Variants in KCNH7 observed in about 807,000 individuals in gnomAD.
The protein encoded by KCNH7 is voltage-gated inwardly rectifying potassium channel KCNH7.
Under a neutral mutation model 120.8 loss-of-function variants are expected in KCNH7, and 49 were observed. The ratio of observed to expected loss-of-function variants is 0.41; its 90% CI spans 0.32 to 0.51. The LOEUF (loss-of-function observed/expected upper bound fraction) is 0.51, where lower values mean the gene tolerates loss of function less well. KCNH7 is among the 20% of genes least tolerant of loss of function. KCNH7 has a pLI of 0.38. For synonymous variants in KCNH7, 547 were observed against 516.1 expected (o/e 1.06, Z -0.81); for missense variants, 1,097 against 1,446.6 (o/e 0.76, Z 3.92).
chr2:162,784,215 T>C (rs974667878), intron 2 of KCNH7, among the ~76,000 whole-genome samples: 1 of 152,122 alleles, frequency 6.6e-6, no homozygotes, highest in African/African-American at 2.4e-5. Context: ...AAATCAGCAA[T>C]GATTTATTGA....
At chr2:162,667,860 C>T (rs1418560401) in intron 2 of KCNH7, among the ~76,000 whole-genome samples, 4 of 152,098 alleles carry the variant, frequency 2.6e-5, no homozygotes, top group Admixed American at 2.6e-4. Flanking sequence ...TCATTGAAGG[C>T]ATGAATTCTG....
chr2:162,820,811 T>C (rs1280150449), intron 2 of KCNH7, among the ~76,000 whole-genome samples: 1 of 152,200 alleles, frequency 6.6e-6, no homozygotes, highest in East Asian at 1.9e-4. Context: ...TTAATTTTGA[T>C]TTTTTGATAT....
At chr2:162,547,196 A>G (rs1395521455) in intron 2 of KCNH7, among the ~76,000 whole-genome samples, 2 of 152,268 alleles carry the variant, frequency 1.3e-5, no homozygotes, top group East Asian at 3.9e-4. Flanking sequence ...GTCTCATGAG[A>G]CCAGCATGGG....
At chr2:162,680,938 A>G (rs981557125) in intron 2 of KCNH7, among the ~76,000 whole-genome samples, 1 of 151,808 alleles carries the variant, frequency 6.6e-6, no homozygotes, top group African/African-American at 2.4e-5. Flanking sequence ...GAGGGTTATC[A>G]TGCTAATGTA....
chr2:162,433,276 C>T (rs73018960), intron 8 of KCNH7, among the ~76,000 whole-genome samples: 138 of 152,020 alleles, frequency 9.1e-4, no homozygotes, highest in Middle Eastern at 3.4e-3. Flanking sequence ...TTAGAAAAAA[C>T]GATTATGAAA....
At chr2:162,730,518 T>A (rs1687686923) in intron 2 of KCNH7, among the ~76,000 whole-genome samples, 2 of 151,954 alleles carry the variant, frequency 1.3e-5, no homozygotes, top group Admixed American at 6.6e-5. Flanking sequence ...ATTTTAATAT[T>A]ACTAACAAGA....
At chr2:162,389,462 T>G (rs1299819897) in intron 12 of KCNH7, among the ~76,000 whole-genome samples, 1 of 151,968 alleles carries the variant, frequency 6.6e-6, no homozygotes, top group Non-Finnish European at 1.5e-5. Context: ...CTTTATGCTT[T>G]TGGAAAAGGA....
intron 2 of KCNH7, among the ~76,000 whole-genome samples, chr2:162,814,731 T>C (rs1217756439): frequency 1.3e-5 from 2 of 152,194 alleles, no homozygotes; most frequent in African/African-American, 2.4e-5. Context: ...TCTACGATCA[T>C]GGTGTCTAGC....
At chr2:162,734,060 A>G (rs1030702775) in intron 2 of KCNH7, among the ~76,000 whole-genome samples, 6 of 152,108 alleles carry the variant, frequency 3.9e-5, no homozygotes, top group Admixed American at 3.9e-4. Flanking sequence ...TTGAATGGAT[A>G]TATTTTTTGG....
chr2:162,790,597 A>C (rs2105516752), intron 2 of KCNH7, among the ~76,000 whole-genome samples: 1 of 152,204 alleles, frequency 6.6e-6, no homozygotes, highest in South Asian at 2.1e-4. Context: ...AATACTAGCA[A>C]ACTGAATGGA....
chr2:162,570,472 G>C lies in KCNH7; in HGVS notation c.308-33392C>G, dbSNP rs575152728. Among the ~76,000 whole-genome samples, 3 of 152,098 alleles carry C rather than the reference G, an allele frequency of 2.0e-5. No homozygotes were observed. The East Asian group carries it at 5.8e-4, about 30-fold the overall frequency. ...TGAATACAGCACACTGATGGGTCTT[G>C]ACTCTTTATCCAATTTGCCAGTCTG... On this transcript the variant is annotated intron_variant, in intron 2 of 15. Coordinates refer to ENST00000332142, the MANE Select transcript of KCNH7 (RefSeq NM_033272.4).
intron 2 of KCNH7, among the ~76,000 whole-genome samples, chr2:162,748,347 A>C (rs927336401): frequency 2.6e-5 from 4 of 152,158 alleles, no homozygotes; most frequent in Admixed American, 2.6e-4. Context: ...CATATTTTTC[A>C]TCTAGAACAA....
At chr2:162,593,636 T>C (rs554480741) in intron 2 of KCNH7, among the ~76,000 whole-genome samples, 47 of 152,094 alleles carry the variant, frequency 3.1e-4, no homozygotes, top group African/African-American at 8.9e-4. Flanking sequence ...GTTTTATTCA[T>C]GTTTTTTTTC....
At chr2:162,533,627 C>T (rs1419568875) in intron 3 of KCNH7, among the ~76,000 whole-genome samples, 1 of 151,442 alleles carries the variant, frequency 6.6e-6, no homozygotes, top group African/African-American at 2.4e-5. Flanking sequence ...ATATGGCTAC[C>T]TATGAAATAT....
intron 2 of KCNH7, among the ~76,000 whole-genome samples, chr2:162,539,909 C>T (rs114267002): frequency 0.012 from 1,766 of 152,164 alleles, 26 homozygotes; most frequent in African/African-American, 0.041. Context: ...TTTTATAGAA[C>T]AGAAATATTT....
At chr2:162,704,335 C>G (rs1686619268) in intron 2 of KCNH7, among the ~76,000 whole-genome samples, 1 of 151,102 alleles carries the variant, frequency 6.6e-6, no homozygotes, top group Non-Finnish European at 1.5e-5. Flanking sequence ...TTAATATGTT[C>G]AACAACAACA....
intron 2 of KCNH7, among the ~76,000 whole-genome samples, chr2:162,613,889 G>A (rs1254388534): frequency 1.3e-5 from 2 of 151,378 alleles, no homozygotes; most frequent in Non-Finnish European, 3.0e-5. Flanking sequence ...CAGAAACAGT[G>A]TTTAAATTCT....
At chr2:162,827,934 G>A (rs1646086086) in intron 2 of KCNH7, among the ~76,000 whole-genome samples, 3 of 152,110 alleles carry the variant, frequency 2.0e-5, no homozygotes, top group African/African-American at 7.2e-5. Context: ...TTTGGGAGAA[G>A]AGCTATCCTG....
intron 6 of KCNH7, among the ~76,000 whole-genome samples, chr2:162,461,654 A>C (rs1379210740): frequency 6.6e-6 from 1 of 152,222 alleles, no homozygotes. Flanking sequence ...AGTAAGATAA[A>C]AATGTTTCAT....
Sources: allele counts gnomAD v4.1 joint callset (sites outside exome capture counted in the v4.1 genomes callset), GRCh38; gene constraint gnomAD v4.1.1; transcripts MANE v1.5; gene names NCBI Gene and HGNC (gene_info 2026-07-23, HGNC 2026-07-21).